The following FSTL4 variants were observed in gnomAD, a reference collection of about 807,000 sequenced individuals.
The protein encoded by FSTL4 is follistatin like 4, also known as follistatin-related protein 4.
Under a neutral mutation model 78.2 loss-of-function variants are expected in FSTL4, and 28 were observed. The ratio of observed to expected loss-of-function variants is 0.36; its 90% confidence interval spans 0.27 to 0.49. FSTL4 has a LOEUF of 0.49. Ranked by LOEUF, FSTL4 falls within the 20% of genes least tolerant of loss-of-function variation. The pLI, the probability that FSTL4 is intolerant of heterozygous loss-of-function variation, is 0.98. For missense variants in FSTL4, 922 were observed against 1,084.9 expected, an observed-to-expected ratio of 0.85 and a Z score of 2.11; for synonymous variants, 422 against 440.5, an observed-to-expected ratio of 0.96 and a Z score of 0.53.
the FSTL4 span, among the ~76,000 whole-genome samples, chr5:133,672,706 C>T: frequency 6.6e-6 from 1 of 152,174 alleles, no homozygotes; most frequent in African/African-American, 2.4e-5. Context: ...GGAGGTTGTT[C>T]CTGCCACAGC....
At chr5:133,723,529 A>T in the FSTL4 span, among the ~76,000 whole-genome samples, 1 of 152,160 alleles carries the variant, frequency 6.6e-6, no homozygotes, top group Non-Finnish European at 1.5e-5. Flanking sequence ...GGCTATCACT[A>T]TGGCTTATGA....
At chr5:133,663,272 CT>C in the FSTL4 span, among the ~76,000 whole-genome samples, 1 of 152,168 alleles carries the variant, frequency 6.6e-6, no homozygotes, top group African/African-American at 2.4e-5. Flanking sequence ...AGTTGAAGTA[CT>C]GTCCCACGCA....
intron 6 of FSTL4, among the ~76,000 whole-genome samples, chr5:133,300,965 T>C (rs1161421128): frequency 6.6e-6 from 1 of 152,184 alleles, no homozygotes; most frequent in Non-Finnish European, 1.5e-5. Flanking sequence ...ACTGCTATGG[T>C]TCTGCAGGAC....
At chr5:133,840,790 A>G in the FSTL4 span, among the ~76,000 whole-genome samples, 2 of 152,252 alleles carry the variant, frequency 1.3e-5, no homozygotes, top group African/African-American at 4.8e-5. Context: ...AAGAGGAGAT[A>G]AATCACTCGC....
At chr5:133,635,894 A>T in the FSTL4 span, among the ~76,000 whole-genome samples, 1 of 152,188 alleles carries the variant, frequency 6.6e-6, no homozygotes, top group African/African-American at 2.4e-5. Context: ...ACTTAAGCCC[A>T]GTGGTGAGAG....
intron 6 of FSTL4, among the ~76,000 whole-genome samples, chr5:133,264,783 A>C (rs1051774373): frequency 5.3e-5 from 8 of 152,150 alleles, no homozygotes; most frequent in Non-Finnish European, 1.2e-4. Flanking sequence ...TCTTGGTAAG[A>C]AAAATGCCTC....
chr5:133,353,382 G>C (rs895477675), intron 4 of FSTL4, among the ~76,000 whole-genome samples: 1 of 152,188 alleles, frequency 6.6e-6, no homozygotes, highest in African/African-American at 2.4e-5. Context: ...AGAGGAGGAA[G>C]CAAAGGTCTG....
Position 133,567,249 on chromosome 5 carries a change from T to C in FSTL4, c.127-30A>G, listed in dbSNP as rs373744290. 16 of 1,549,472 alleles carry C rather than the reference T, an allele frequency of 1.0e-5. No individual in the cohort carries two copies. The African/African-American group carries it at 1.8e-4, about 17-fold the overall frequency. On this transcript the variant is annotated intron_variant, in intron 2 of 15. Coordinates refer to ENST00000265342, the MANE Select transcript of FSTL4 (RefSeq NM_015082.2). ...AAGAAAAGAAAGACTTTGTGTTTTC[T>C]GAAGAATAATTCATATGTACAGATA...
chr5:133,491,593 A>G (rs1053286337), intron 3 of FSTL4, among the ~76,000 whole-genome samples: 2 of 151,624 alleles, frequency 1.3e-5, no homozygotes, highest in South Asian at 4.2e-4. Context: ...TAGTAGAGAC[A>G]GGGTTTCACC....
intron 3 of FSTL4, among the ~76,000 whole-genome samples, chr5:133,441,047 G>T (rs1253059239): frequency 5.9e-5 from 9 of 152,156 alleles, no homozygotes; most frequent in African/African-American, 2.2e-4. Context: ...CTCTGAGTAG[G>T]AATTGAATGC....
At chr5:133,599,059 A>G (rs942707298) in intron 2 of FSTL4, among the ~76,000 whole-genome samples, 2 of 152,174 alleles carry the variant, frequency 1.3e-5, no homozygotes, top group Non-Finnish European at 2.9e-5. Context: ...GTCAAAGAGC[A>G]CAGTCAGGGT....
At chr5:133,655,704 G>T in the FSTL4 span, among the ~76,000 whole-genome samples, 1 of 152,082 alleles carries the variant, frequency 6.6e-6, no homozygotes, top group Non-Finnish European at 1.5e-5. Flanking sequence ...AATATTTTCA[G>T]TGGGAAAAAA....
chr5:133,832,599 T>C, the FSTL4 span, among the ~76,000 whole-genome samples: 13 of 152,266 alleles, frequency 8.5e-5, no homozygotes, highest in Non-Finnish European at 1.2e-4. Context: ...CATGGGCAAG[T>C]CCATATGGCC....
intron 3 of FSTL4, among the ~76,000 whole-genome samples, chr5:133,446,954 C>T (rs186363058): frequency 2.0e-5 from 3 of 152,264 alleles, no homozygotes; most frequent in African/African-American, 7.2e-5. Flanking sequence ...GGTATTCAGA[C>T]CACAAGTGGC....
chr5:133,810,892 T>C, the FSTL4 span, among the ~76,000 whole-genome samples: 1 of 152,244 alleles, frequency 6.6e-6, no homozygotes, highest in South Asian at 2.1e-4. Flanking sequence ...GCACAACTGC[T>C]GGCATTCACC....
chr5:133,302,785 C>A (rs908716419), intron 6 of FSTL4, among the ~76,000 whole-genome samples: 2 of 152,242 alleles, frequency 1.3e-5, no homozygotes, highest in Admixed American at 1.3e-4. Context: ...ATGATTCCAC[C>A]ATCAAGGGGA....
At chr5:133,651,966 T>C in the FSTL4 span, among the ~76,000 whole-genome samples, 56 of 152,144 alleles carry the variant, frequency 3.7e-4, 1 homozygote, top group Admixed American at 2.3e-3. Context: ...GTCTATTTTG[T>C]GTGTGTGAGT....
chr5:133,353,949 C>T (rs1754886654), intron 4 of FSTL4, among the ~76,000 whole-genome samples: 1 of 152,154 alleles, frequency 6.6e-6, no homozygotes, highest in Admixed American at 6.5e-5. Flanking sequence ...ACAGGCAGGC[C>T]AGAGTTACTG....
intron 8 of FSTL4, 119 bp downstream of exon 8, chr5:133,233,298 T>C (rs1751551410): frequency 9.2e-7 from 1 of 1,085,180 alleles, no homozygotes; most frequent in Non-Finnish European, 1.4e-6. Context: ...AGAGAGATGA[T>C]ATATTTTGGG....
Sources: allele counts gnomAD v4.1 joint callset (sites outside exome capture counted in the v4.1 genomes callset), GRCh38; gene constraint gnomAD v4.1.1; transcripts MANE v1.5; gene names NCBI Gene and HGNC (gene_info 2026-07-23, HGNC 2026-07-21).